The following CTNNBL1 variants were observed in gnomAD, a reference collection of about 807,000 sequenced individuals.
CTNNBL1 encodes catenin beta like 1.
CTNNBL1 carries 31 observed loss-of-function variants against 72.7 expected under a neutral mutation model. That is an observed-to-expected ratio of 0.43 (90% confidence interval 0.32 to 0.58). CTNNBL1 has a LOEUF of 0.58. Ranked by LOEUF, CTNNBL1 falls within the 20% of genes least tolerant of loss-of-function variation. The pLI is 0.08. For missense variants in CTNNBL1, 534 were observed against 725.1 expected, an observed-to-expected ratio of 0.74 and a Z score of 3.03; for synonymous variants, 240 against 267.3, an observed-to-expected ratio of 0.90 and a Z score of 1.00.
At chr20:37,749,257 T>C (rs1412330919) in intron 4 of CTNNBL1, among the ~76,000 whole-genome samples, 1 of 152,208 alleles carries the variant, frequency 6.6e-6, no homozygotes, top group East Asian at 1.9e-4. Flanking sequence ...TGACTTATTT[T>C]CTTTCTGGAA....
intron 11 of CTNNBL1, among the ~76,000 whole-genome samples, chr20:37,832,640 A>G (rs1012724908): frequency 3.3e-5 from 5 of 152,208 alleles, no homozygotes; most frequent in African/African-American, 1.2e-4. Context: ...AGCAGATCCC[A>G]GGAGTTAGTG....
intron 3 of CTNNBL1, among the ~76,000 whole-genome samples, chr20:37,744,298 T>C (rs1249201698): frequency 1.3e-5 from 2 of 152,232 alleles, no homozygotes; most frequent in Admixed American, 6.5e-5. Flanking sequence ...ATTGGTACTT[T>C]TCTGGCAAAA....
chr20:37,694,577 CCT>C (rs1274066432), intron 1 of CTNNBL1, among the ~76,000 whole-genome samples: 3 of 152,268 alleles, frequency 2.0e-5, no homozygotes, highest in Middle Eastern at 3.4e-3. Flanking sequence ...TCATTCCCCC[CCT>C]CTTTGAACCA....
At position 37,738,506 on chromosome 20, in the gene CTNNBL1, T is replaced by G. The variant is rs567038884; in HGVS notation, c.326+1022T>G. 2.6e-5 allele frequency among the ~76,000 whole-genome samples: 4 copies of G among 151,370 alleles called. No individual in the cohort carries two copies. The South Asian group carries it at 8.3e-4, about 31-fold the overall frequency. ...TCACATTTATACGATTTTAATGTTC[T>G]AAACCTCTCTTTCTTTCCCTATCTT... On this transcript the variant is annotated intron_variant, in intron 3 of 15. Coordinates refer to ENST00000361383, the MANE Select transcript of CTNNBL1 (RefSeq NM_030877.5).
intron 3 of CTNNBL1, among the ~76,000 whole-genome samples, chr20:37,741,688 A>G (rs188270269): frequency 1.3e-5 from 2 of 152,354 alleles, no homozygotes; most frequent in Admixed American, 1.3e-4. Flanking sequence ...ATATTTGTCA[A>G]TTCACTGTTC....
intron 11 of CTNNBL1, among the ~76,000 whole-genome samples, chr20:37,806,247 T>C (rs2071959272): frequency 6.6e-6 from 1 of 152,152 alleles, no homozygotes; most frequent in Non-Finnish European, 1.5e-5. Flanking sequence ...GTAGCCCAGC[T>C]CCTAGGTGGA....
chr20:37,783,880 T>A (rs1952338372), intron 10 of CTNNBL1, among the ~76,000 whole-genome samples: 1 of 152,200 alleles, frequency 6.6e-6, no homozygotes, highest in South Asian at 2.1e-4. Flanking sequence ...CCATTTAGTC[T>A]ATACTGCAGA....
At chr20:37,818,766 A>G (rs1278729426) in intron 11 of CTNNBL1, among the ~76,000 whole-genome samples, 1 of 152,228 alleles carries the variant, frequency 6.6e-6, no homozygotes, top group Admixed American at 6.5e-5. Flanking sequence ...GAATGTGAAT[A>G]TATTCTCCAA....
intron 1 of CTNNBL1, among the ~76,000 whole-genome samples, chr20:37,695,892 A>G (rs2072786773): frequency 1.3e-5 from 2 of 152,244 alleles, no homozygotes; most frequent in Non-Finnish European, 2.9e-5. Context: ...CAGCCAAAGT[A>G]CAAGAAATTG....
Position 37,694,096 on chromosome 20 carries a change from A to G in CTNNBL1, c.-27A>G. 6.2e-7 allele frequency: 1 copy of G among 1,603,248 alleles called. No homozygotes were observed. The highest frequency in any genetic ancestry group is 8.5e-7 in the Non-Finnish European group (1 of 1,175,660). ...CGCGGTCTGGGCGTGAGTGCAGGGA[A>G]GTGGAGTATTTGCTGGGCCGGGTAC... On this transcript the variant is annotated 5_prime_UTR_variant, in exon 1 of 16. Transcript: ENST00000361383.
chr20:37,788,599 G>T (rs543603870), intron 10 of CTNNBL1, among the ~76,000 whole-genome samples: 1 of 152,340 alleles, frequency 6.6e-6, no homozygotes, highest in African/African-American at 2.4e-5. Flanking sequence ...TCGAGTCCTG[G>T]GCTCCTGCCC....
chr20:37,744,423 G>A (rs2073244334), intron 3 of CTNNBL1, among the ~76,000 whole-genome samples: 1 of 152,128 alleles, frequency 6.6e-6, no homozygotes, highest in Non-Finnish European at 1.5e-5. Flanking sequence ...TTTGTTAAAG[G>A]GAAAAGAAAT....
At chr20:37,762,340 A>G (rs2122655508) in intron 5 of CTNNBL1, among the ~76,000 whole-genome samples, 1 of 152,304 alleles carries the variant, frequency 6.6e-6, no homozygotes, top group Non-Finnish European at 1.5e-5. Context: ...TTATTGGCAG[A>G]TCGTACCAGA....
At chr20:37,847,975 G>A (rs986406122) in intron 13 of CTNNBL1, 1 of 152,606 alleles carries the variant, frequency 6.6e-6, no homozygotes, top group Non-Finnish European at 1.5e-5. Flanking sequence ...AGGGGGTGAA[G>A]TGCAGGAGTG....
chr20:37,709,027 C>T (rs903515981), intron 1 of CTNNBL1, among the ~76,000 whole-genome samples: 5 of 152,068 alleles, frequency 3.3e-5, no homozygotes, highest in African/African-American at 1.2e-4. Flanking sequence ...GTGCCAGCTA[C>T]TCAGGAGGCT....
intron 10 of CTNNBL1, among the ~76,000 whole-genome samples, chr20:37,785,957 CA>C (rs1290465787): frequency 1.3e-5 from 2 of 152,196 alleles, no homozygotes; most frequent in African/African-American, 4.8e-5. Context: ...GCTGTGTCTG[CA>C]TTAGGGGGCA....
At chr20:37,866,134 G>A (rs986765558) in intron 15 of CTNNBL1, among the ~76,000 whole-genome samples, 1 of 152,260 alleles carries the variant, frequency 6.6e-6, no homozygotes, top group African/African-American at 2.4e-5. Context: ...AGAGAGGCCT[G>A]TATGTTAGCC....
chr20:37,827,970 T>C (rs1477994189), intron 11 of CTNNBL1, among the ~76,000 whole-genome samples: 2 of 152,188 alleles, frequency 1.3e-5, no homozygotes, highest in Non-Finnish European at 2.9e-5. Flanking sequence ...TCTCTTGTGT[T>C]TGGTCTGGAA....
chr20:37,747,348 C>G (rs946268550), intron 4 of CTNNBL1, among the ~76,000 whole-genome samples: 2 of 128,132 alleles, frequency 1.6e-5, no homozygotes, highest in Non-Finnish European at 3.1e-5. Flanking sequence ...GTATGCTACT[C>G]TGGGCAACAG....
Sources: gnomAD v4.1 joint callset for allele counts (sites outside exome capture counted in the v4.1 genomes callset) on GRCh38, gnomAD v4.1.1 for gene constraint, MANE v1.5 for transcripts, NCBI Gene and HGNC (gene_info 2026-07-23, HGNC 2026-07-21) for gene names.